ABCC1: variants seen among roughly 807,000 people sequenced by gnomAD.
ABCC1 encodes multidrug resistance-associated protein 1.
ABCC1 carries 83 observed loss-of-function variants against 172.9 expected under a neutral mutation model. The ratio of observed to expected loss-of-function variants is 0.48; its 90% CI spans 0.40 to 0.58. The LOEUF (loss-of-function observed/expected upper bound fraction) is 0.58, where lower values mean the gene tolerates loss of function less well. Among genes scored for constraint, ABCC1 ranks in the 20% least tolerant of loss-of-function variants. The pLI, the probability that ABCC1 is intolerant of heterozygous loss-of-function variation, is 0.00. For missense variants in ABCC1, 1,817 were observed against 2,002.7 expected, an observed-to-expected ratio of 0.91 and a Z score of 1.77; for synonymous variants, 937 against 825.2, an observed-to-expected ratio of 1.14 and a Z score of -2.32.
chr16:16,047,069 G>A (rs1567346039), intron 9 of ABCC1, among the ~76,000 whole-genome samples: 1 of 152,052 alleles, frequency 6.6e-6, no homozygotes, highest in Non-Finnish European at 1.5e-5. Flanking sequence ...ATGGTGGTGC[G>A]TACCTGTAGT....
At chr16:16,125,128 A>G (rs1290859003) in intron 25 of ABCC1, among the ~76,000 whole-genome samples, 1 of 152,202 alleles carries the variant, frequency 6.6e-6, no homozygotes, top group Non-Finnish European at 1.5e-5. Flanking sequence ...TCAGTCACAC[A>G]GATTCCTTAG....
intron 21 of ABCC1, among the ~76,000 whole-genome samples, chr16:16,107,438 T>C (rs920866878): frequency 1.3e-5 from 2 of 152,050 alleles, no homozygotes; most frequent in Non-Finnish European, 2.9e-5. Flanking sequence ...TACAGAAACT[T>C]GCTACCTTGC....
chr16:15,978,028 G>T (rs1422135243), intron 1 of ABCC1, among the ~76,000 whole-genome samples: 1 of 152,110 alleles, frequency 6.6e-6, no homozygotes. Context: ...TTCAAATGGG[G>T]TGAAAATGAA....
At chr16:16,077,381 T>C (rs1469247219) in intron 15 of ABCC1, among the ~76,000 whole-genome samples, 2 of 152,206 alleles carry the variant, frequency 1.3e-5, no homozygotes, top group Non-Finnish European at 2.9e-5. Context: ...GCTTCAATTG[T>C]AGCTGTTCTG....
At chr16:16,020,664 T>C (rs748851272) in intron 5 of ABCC1, among the ~76,000 whole-genome samples, 1 of 152,206 alleles carries the variant, frequency 6.6e-6, no homozygotes, top group Non-Finnish European at 1.5e-5. Context: ...AGCATTTCTT[T>C]AGCTCTGATG....
In ABCC1 at chr16:16,003,747, GTATA is replaced by G. The variant is rs1189997980; in HGVS notation, c.49-4068_49-4065del. 1.0e-3 allele frequency among the ~76,000 whole-genome samples: 84 copies of G among 83,136 alleles called. 1 individual carries two copies. The highest frequency in any genetic ancestry group is 3.5e-3 in the African/African-American group (80 of 22,774). 54.5% of individuals were successfully genotyped at this position (83,136 alleles called of 152,430 possible). A position where few individuals can be genotyped will look rare whatever the true frequency, so the allele number is the denominator to read the frequency against. On this transcript the variant is annotated intron_variant, in intron 1 of 30. Coordinates refer to ENST00000399410, the MANE Select transcript of ABCC1 (RefSeq NM_004996.4). ...TGAATTGGTGGATGGGTAGGTGGAT[GTATA>G]AATGAATTGGTGGGTGGGTGGATGG...
chr16:16,128,268 C>A (rs2045526469), intron 26 of ABCC1, among the ~76,000 whole-genome samples: 1 of 152,072 alleles, frequency 6.6e-6, no homozygotes, highest in African/African-American at 2.4e-5. Context: ...ACCTCCTTCT[C>A]CTGGGTTCAA....
At position 16,114,954 on chromosome 16, in the gene ABCC1, GTCA is replaced by G. The variant is rs750344580; in HGVS notation, c.3272_3274del (p.Ile1091del). ...CACAGTGGACTCCATGATCCCGGAG[GTCA>G]TCAAGATGTTCATGGGCTCCCTGTT... On this transcript the variant is annotated inframe_deletion, in exon 23 of 31. Transcript: ENST00000399410. The G allele has an allele frequency of 1.2e-6, 2 of 1,614,168 alleles. No homozygotes were observed. Among genetic ancestry groups the G allele is most frequent in the African/African-American group, 2.7e-5 (2 of 75,060 alleles).
At chr16:16,029,091 GC>G (rs960585058) in intron 5 of ABCC1, among the ~76,000 whole-genome samples, 2 of 152,280 alleles carry the variant, frequency 1.3e-5, no homozygotes, top group Admixed American at 1.3e-4. Flanking sequence ...ACCCCTCCGA[GC>G]CCCAGAGCGG....
chr16:16,134,621 CGTT>C (rs1418195369), intron 28 of ABCC1, 113 bp downstream of exon 28: 33 of 495,104 alleles, frequency 6.7e-5, no homozygotes, highest in African/African-American at 6.6e-4. Flanking sequence ...CCTACTTCAT[CGTT>C]CTTTTTTTTT....
At chr16:16,052,674 C>A (rs1185975859) in intron 10 of ABCC1, 50 bp from the exon 11 acceptor site, 1 of 1,583,506 alleles carries the variant, frequency 6.3e-7, no homozygotes, top group Non-Finnish European at 8.7e-7. Flanking sequence ...GTTACGGGCC[C>A]TGTTTTCTTC....
chr16:16,104,270 C>T (rs1054614193), intron 20 of ABCC1, among the ~76,000 whole-genome samples: 4 of 152,182 alleles, frequency 2.6e-5, no homozygotes, highest in Non-Finnish European at 5.9e-5. Context: ...ATTCTCTTAT[C>T]TGGCCCTACC....
chr16:16,130,497 A>G lies in ABCC1; in HGVS notation c.3820-1292A>G, dbSNP rs73504231. Among the ~76,000 whole-genome samples, 413 of 152,330 alleles carry G rather than the reference A, an allele frequency of 2.7e-3. 3 individuals are homozygous for G. Among genetic ancestry groups the G allele is most frequent in the African/African-American group, 8.8e-3 (367 of 41,576 alleles). On this transcript the variant is annotated intron_variant, in intron 26 of 30. Transcript: ENST00000399410. ...TTTACTTTGGAGAAACAGAGACCAT[A>G]GTGTAGATTTTACAAAATCACTTTT...
intron 1 of ABCC1, among the ~76,000 whole-genome samples, chr16:16,007,214 T>TTGTGTGTGTGTGTGTGTGTGTG (rs71388788): frequency 2.1e-5 from 3 of 145,774 alleles, no homozygotes; most frequent in Admixed American, 6.9e-5. Context: ...GTATGCACTG[T>TTGTGTGTGTGTGTGTGTGTGTG]TGTGTGTGTG....
At chr16:15,973,712 A>G (rs1320324013) in intron 1 of ABCC1, among the ~76,000 whole-genome samples, 2 of 152,050 alleles carry the variant, frequency 1.3e-5, no homozygotes, top group Non-Finnish European at 2.9e-5. Context: ...GTGGTGACTC[A>G]TGCCTATAAT....
In ABCC1 at chr16:16,062,191, A is replaced by G. The variant is rs2049945739; in HGVS notation, c.1677+5896A>G. ...AGGAGGGGATGGGCAGCGTGTTCTC[A>G]CAGCTTTTTGCTCTGCACATTGGAT... On this transcript the variant is annotated intron_variant, in intron 12 of 30. Coordinates refer to ENST00000399410, the MANE Select transcript of ABCC1 (RefSeq NM_004996.4). Among the ~76,000 whole-genome samples the G allele has an allele frequency of 2.0e-5, 3 of 152,196 alleles. No individual in the cohort carries two copies. In the South Asian group the frequency reaches 6.2e-4, roughly 31 times the overall value.
intron 1 of ABCC1, among the ~76,000 whole-genome samples, chr16:15,984,448 C>CT (rs1555475245): frequency 6.8e-5 from 10 of 146,996 alleles, no homozygotes; most frequent in East Asian, 6.0e-4. Context: ...TTGATATATA[C>CT]TTTTTTTTTT....
chr16:16,113,853 G>A (rs1216909824), intron 22 of ABCC1, among the ~76,000 whole-genome samples: 1 of 152,098 alleles, frequency 6.6e-6, no homozygotes, highest in Non-Finnish European at 1.5e-5. Context: ...AGATCATCAG[G>A]CATTAGTTAG....
At chr16:16,128,078 G>A (rs543864801) in intron 26 of ABCC1, among the ~76,000 whole-genome samples, 3 of 150,552 alleles carry the variant, frequency 2.0e-5, no homozygotes, top group South Asian at 2.1e-4. Flanking sequence ...CCACCACCCC[G>A]CCCAGCTAAC....
Sources: gnomAD v4.1 joint callset for allele counts (sites outside exome capture counted in the v4.1 genomes callset) on GRCh38, gnomAD v4.1.1 for gene constraint, MANE v1.5 for transcripts, NCBI Gene and HGNC (gene_info 2026-07-23, HGNC 2026-07-21) for gene names.